The following PCDH19 variants were observed in gnomAD, a reference collection of about 807,000 sequenced individuals.
PCDH19 encodes the protein protocadherin-19.
In PCDH19, 6 loss-of-function variants were observed where a neutral mutation model predicts 46.2. The observed-to-expected ratio is 0.13, with a 90% CI of 0.07 to 0.26. The LOEUF (loss-of-function observed/expected upper bound fraction) is 0.26, where lower values mean the gene tolerates loss of function less well. Among genes scored for constraint, PCDH19 ranks in the 10% least tolerant of loss-of-function variants. PCDH19 has a pLI of 1.00. For missense variants in PCDH19, 740 were observed against 972.3 expected (o/e 0.76, Z 3.18); for synonymous variants, 481 against 415.7 (o/e 1.16, Z -1.91).
chrX:100,385,050 T>C (rs1433673857), intron 3 of PCDH19, among the ~76,000 whole-genome samples: 1 of 108,223 alleles, frequency 9.2e-6, no homozygotes, highest in Non-Finnish European at 1.9e-5. Context: ...TCCCAGCTAC[T>C]TGGGAGGCTG....
At position 100,365,129 on chromosome X, in the gene PCDH19, TTG is replaced by T. The variant is rs1491217631; in HGVS notation, c.2617-14427_2617-14426del. 2.1e-3 allele frequency among the ~76,000 whole-genome samples: 206 copies of T among 96,134 alleles called. 1 individual carries two copies. Among genetic ancestry groups the T allele is most frequent in the Middle Eastern group, 0.015 (2 of 135 alleles). 83.5% of individuals were successfully genotyped at this position (96,134 alleles called of 115,157 possible). A position where few individuals can be genotyped will look rare whatever the true frequency, so the allele number is the denominator to read the frequency against. ...ATAACACCTTGCATTAATATAGCAA[TTG>T]TTTTTTTTTACAAAGCCTTGACCTA... On this transcript the variant is annotated intron_variant, in intron 3 of 5. Coordinates refer to ENST00000373034, the MANE Select transcript of PCDH19 (RefSeq NM_001184880.2).
chrX:100,398,697 GAGCACA>G (rs1328983397), intron 3 of PCDH19, among the ~76,000 whole-genome samples: 1 of 112,219 alleles, frequency 8.9e-6, no homozygotes, highest in African/African-American at 3.2e-5. Context: ...CCACACAGCT[GAGCACA>G]TAGTGGATAC....
At chrX:100,389,315 A>T (rs1169035646) in intron 3 of PCDH19, among the ~76,000 whole-genome samples, 1 of 110,681 alleles carries the variant, frequency 9.0e-6, no homozygotes, top group East Asian at 2.8e-4. Flanking sequence ...TAAATAATTG[A>T]AGCATTAATT....
At chrX:100,350,474 T>C (rs1244843595) in intron 4 of PCDH19, among the ~76,000 whole-genome samples, 172 bp downstream of exon 4, 2 of 112,036 alleles carry the variant, frequency 1.8e-5, no homozygotes, top group African/African-American at 3.2e-5. Context: ...TTACCAGTGA[T>C]GTTTATTTAC....
chrX:100,294,903 G>A lies in PCDH19; in HGVS notation c.*1374C>T, dbSNP rs1205108703. 8.9e-6 allele frequency: 1 copy of A among 112,240 alleles called. No individual in the cohort carries two copies. The highest frequency in any genetic ancestry group is 1.9e-5 in the Non-Finnish European group (1 of 53,176). 9.2% of individuals were successfully genotyped at this position (112,240 alleles called of 1,213,427 possible). ...TCCTAGCCTACAGCAAAAAGAGTTG[G>A]CTAAATCGAAAGGATTTTTATTTTA... On this transcript the variant is annotated 3_prime_UTR_variant, in exon 6 of 6. Coordinates refer to ENST00000373034, the MANE Select transcript of PCDH19 (RefSeq NM_001184880.2).
In PCDH19 at chrX:100,407,561, A is replaced by G. The variant is rs1928413338; in HGVS notation, c.1037T>C (p.Ile346Thr). ...CTCACTGTTGACTGACAGCAGGTTG[A>G]TGACCGGCGGATTGTCATTGGTGTC... ...VLDTNDNPPV[I>T]NLLSVNSELV... The change falls in exon 1 of 6, where the codon ATC (isoleucine) becomes ACC (threonine). Residue 346 changes from isoleucine to threonine, a missense_variant. Ile to Thr is a moderately conservative substitution (Grantham distance 89). This residue lies in a region of PCDH19 where 186 missense variants were observed against 319.9 expected (regional missense o/e 0.58). Transcript: ENST00000373034. The G allele has an allele frequency of 1.7e-6, 2 of 1,210,028 alleles. No homozygotes were observed. Among genetic ancestry groups the G allele is most frequent in the Admixed American group, 2.2e-5 (1 of 45,969 alleles).
chrX:100,395,358 T>C (rs1309866880), intron 3 of PCDH19, among the ~76,000 whole-genome samples: 8 of 112,315 alleles, frequency 7.1e-5, no homozygotes, highest in Non-Finnish European at 1.5e-4. Flanking sequence ...GGGTCTAATT[T>C]ACAAAACAAA....
Position 100,409,967 on chromosome X carries a change from TGA to T in PCDH19, c.-1372_-1371del, listed in dbSNP as rs774934677. ...CTGTCTCGGGCTGTGTGTGAATGTG[TGA>T]GAGAGAGAGGAAGAGTGAGTGTGTG... On this transcript the variant is annotated 5_prime_UTR_variant, in exon 1 of 6. Coordinates refer to ENST00000373034, the MANE Select transcript of PCDH19 (RefSeq NM_001184880.2). The T allele has an allele frequency of 1.1e-4, 34 of 299,162 alleles. No individual in the cohort carries two copies. Among genetic ancestry groups the T allele is most frequent in the Middle Eastern group, 8.7e-4 (1 of 1,152 alleles). 24.7% of individuals were successfully genotyped at this position (299,162 alleles called of 1,213,427 possible). A position where few individuals can be genotyped will look rare whatever the true frequency, so the allele number is the denominator to read the frequency against.
chrX:100,313,291 G>A (rs1013121694), intron 5 of PCDH19, among the ~76,000 whole-genome samples: 1 of 111,238 alleles, frequency 9.0e-6, no homozygotes, highest in African/African-American at 3.3e-5. Context: ...GGAATGCCAT[G>A]CTGTGGTGGG....
chrX:100,309,577 G>A (rs749916613), intron 5 of PCDH19, among the ~76,000 whole-genome samples: 29 of 111,497 alleles, frequency 2.6e-4, no homozygotes, highest in African/African-American at 8.8e-4. Flanking sequence ...CACCATTATC[G>A]AACTGAGATT....
intron 3 of PCDH19, among the ~76,000 whole-genome samples, chrX:100,370,416 T>C (rs1927184881): frequency 8.9e-6 from 1 of 112,286 alleles, no homozygotes; most frequent in Non-Finnish European, 1.9e-5. Context: ...ATTTAGCCTT[T>C]ATTGAAAGTC....
chrX:100,328,116 T>C (rs1232008050), intron 5 of PCDH19, among the ~76,000 whole-genome samples: 2 of 112,192 alleles, frequency 1.8e-5, no homozygotes, highest in East Asian at 5.6e-4. Context: ...ACTTATTTAA[T>C]AGTCAGTCAA....
At chrX:100,351,540 A>G (rs1278766191) in intron 3 of PCDH19, among the ~76,000 whole-genome samples, 1 of 112,230 alleles carries the variant, frequency 8.9e-6, no homozygotes, top group African/African-American at 3.2e-5. Flanking sequence ...CACTAAAGTA[A>G]CTGAATGTCC....
At chrX:100,370,993 ATGTGTGTGTGTGTG>A (rs59834814) in intron 3 of PCDH19, among the ~76,000 whole-genome samples, 1 of 98,381 alleles carries the variant, frequency 1.0e-5, no homozygotes, top group Non-Finnish European at 2.0e-5. Flanking sequence ...GTGTGTGTGC[ATGTGTGTGTGTGTG>A]TGTGTGTGTG....
chrX:100,312,626 G>A (rs936594930), intron 5 of PCDH19, among the ~76,000 whole-genome samples: 1 of 111,818 alleles, frequency 8.9e-6, no homozygotes, highest in African/African-American at 3.3e-5. Context: ...GTTTGAGGAA[G>A]TCTGATAATT....
At position 100,328,365 on chromosome X, in the gene PCDH19, G is replaced by A. The variant is rs188700688; in HGVS notation, c.2848+13538C>T. On this transcript the variant is annotated intron_variant, in intron 5 of 5. Transcript: ENST00000373034. ...TGGGGGACTAGAGCAGGAAGGCATG[G>A]TGCTCCTCCATCTTCATCATGCAAA... Among the ~76,000 whole-genome samples, 7 of 111,559 alleles carry A rather than the reference G, an allele frequency of 6.3e-5. No homozygotes were observed. In the East Asian group the frequency reaches 2.0e-3, roughly 31 times the overall value.
Position 100,386,565 on chromosome X carries a change from A to G in PCDH19, c.2616+15959T>C, listed in dbSNP as rs1927722110. On this transcript the variant is annotated intron_variant, in intron 3 of 5. Transcript: ENST00000373034. ...CCAAATCCTGGCTTAACTGCAATTAAATATTTTAATTTCATGGAAATTCTT... is the reference window on the plus strand; with the variant it reads ...CCAAATCCTGGCTTAACTGCAATTAGATATTTTAATTTCATGGAAATTCTT... 2.7e-5 allele frequency among the ~76,000 whole-genome samples: 3 copies of G among 112,081 alleles called. No individual in the cohort carries two copies. The Admixed American group carries it at 2.8e-4, about 11-fold the overall frequency.
intron 3 of PCDH19, among the ~76,000 whole-genome samples, chrX:100,397,672 T>A (rs1442866521): frequency 8.9e-6 from 1 of 111,905 alleles, no homozygotes; most frequent in East Asian, 2.8e-4. Context: ...AGAAGAAGCC[T>A]CACCCAAGTC....
intron 5 of PCDH19, among the ~76,000 whole-genome samples, chrX:100,322,872 C>A: frequency 3.5e-5 from 1 of 28,720 alleles, no homozygotes; most frequent in African/African-American, 2.0e-4. Flanking sequence ...TATATTTTTG[C>A]AGCTATTGTA....
Sources: allele counts gnomAD v4.1 joint callset (sites outside exome capture counted in the v4.1 genomes callset), GRCh38; gene constraint gnomAD v4.1.1; regional missense constraint gnomAD v4.1.1; transcripts MANE v1.5; gene names NCBI Gene and HGNC (gene_info 2026-07-23, HGNC 2026-07-21).